The following NR3C2 variants were observed in gnomAD, a reference collection of about 807,000 sequenced individuals.
NR3C2 encodes mineralocorticoid receptor.
Under a neutral mutation model 86.4 loss-of-function variants are expected in NR3C2, and 15 were observed. The ratio of observed to expected loss-of-function variants is 0.17; its 90% CI spans 0.12 to 0.27. The LOEUF is 0.27. Among genes scored for constraint, NR3C2 ranks in the 10% least tolerant of loss-of-function variants. The probability of loss-of-function intolerance (pLI) is 1.00; values close to 1 mark genes in which losing one functional copy is unlikely to be tolerated. For missense variants in NR3C2, 960 were observed against 1,195.6 expected (o/e 0.80, Z 2.91); for synonymous variants, 458 against 450.5 (o/e 1.02, Z -0.21).
intron 8 of NR3C2, among the ~76,000 whole-genome samples, chr4:148,107,932 G>T (rs1048854166): frequency 1.3e-5 from 2 of 152,094 alleles, no homozygotes; most frequent in Non-Finnish European, 2.9e-5. Flanking sequence ...GTTGATAGGT[G>T]CAGCAAACCA....
rs764424527 is a variant in NR3C2 at position 148,436,636 on chromosome 4, C to T, written c.225G>A (p.Gln75=). 1.9e-6 allele frequency: 3 copies of T among 1,614,204 alleles called. No individual in the cohort carries two copies. The highest frequency in any genetic ancestry group is 2.5e-6 in the Non-Finnish European group (3 of 1,180,040). The stretch of plus-strand genomic sequence containing the variant: ...AAATCCCAGGCCGATTATTGTCTTG[C>T]TGAAGGCAAGGGAGTAGTTCTTGTT... ...KEKQELLPCL[Q]QDNNRPGILT... The change falls in exon 2 of 9, where the codon CAG becomes CAA. Residue 75 remains glutamine (Q), a synonymous_variant. Coordinates refer to ENST00000358102, the MANE Select transcript of NR3C2 (RefSeq NM_000901.5).
chr4:148,137,626 C>A (rs1036196066), intron 6 of NR3C2, among the ~76,000 whole-genome samples: 1 of 152,102 alleles, frequency 6.6e-6, no homozygotes, highest in Non-Finnish European at 1.5e-5. Context: ...CAAAGCCAGG[C>A]GGAATTAGAG....
At position 148,125,637 on chromosome 4, in the gene NR3C2, A is replaced by G. The variant is rs374631438; in HGVS notation, c.2511-5349T>C. The stretch of plus-strand genomic sequence containing the variant: ...GTGTTTAGAAAAATTTAAAAAGCTC[A>G]GTTTAGTTCCATCATTTTGATTGGT... On this transcript the variant is annotated intron_variant, in intron 6 of 8. Coordinates refer to ENST00000358102, the MANE Select transcript of NR3C2 (RefSeq NM_000901.5). Among the ~76,000 whole-genome samples, 13 of 152,336 alleles carry G rather than the reference A, an allele frequency of 8.5e-5. No individual in the cohort carries two copies. The South Asian group carries it at 1.7e-3, about 19-fold the overall frequency.
chr4:148,271,275 C>A (rs191715294), intron 2 of NR3C2, among the ~76,000 whole-genome samples: 1 of 152,248 alleles, frequency 6.6e-6, no homozygotes, highest in Admixed American at 6.5e-5. Flanking sequence ...AGGGAAAATG[C>A]TCCTTTAAAA....
chr4:148,230,168 G>C (rs955902765), intron 3 of NR3C2, among the ~76,000 whole-genome samples: 1 of 152,146 alleles, frequency 6.6e-6, no homozygotes, highest in Non-Finnish European at 1.5e-5. Flanking sequence ...GGAGAACAGA[G>C]AGATAAAAAG....
intron 6 of NR3C2, among the ~76,000 whole-genome samples, chr4:148,131,211 A>G (rs1027986007): frequency 8.5e-5 from 13 of 152,296 alleles, no homozygotes; most frequent in Admixed American, 3.3e-4. Context: ...GTCAGAATGT[A>G]GGCAGCAATA....
chr4:148,423,952 A>C (rs1027737657), intron 2 of NR3C2, among the ~76,000 whole-genome samples: 3 of 152,162 alleles, frequency 2.0e-5, no homozygotes, highest in African/African-American at 4.8e-5. Context: ...ACCTCAGAAA[A>C]TCTGCCCACC....
chr4:148,292,808 G>A (rs1741859031), intron 2 of NR3C2, among the ~76,000 whole-genome samples: 1 of 152,094 alleles, frequency 6.6e-6, no homozygotes, highest in Admixed American at 6.6e-5. Context: ...AATAGAACCA[G>A]TCATCATTCT....
At position 148,395,474 on chromosome 4, in the gene NR3C2, C is replaced by A. The variant is rs527807556; in HGVS notation, c.1757+39630G>T. Reference sequence around the variant, plus strand: ...GTTACAACTGTACCACAAGGGTTATCCTAACCTGAACAGATGCACTTCTCA... The same window carrying A: ...GTTACAACTGTACCACAAGGGTTATACTAACCTGAACAGATGCACTTCTCA... On this transcript the variant is annotated intron_variant, in intron 2 of 8. Transcript: ENST00000358102. Among the ~76,000 whole-genome samples, 4 of 152,250 alleles carry A rather than the reference C, an allele frequency of 2.6e-5. No homozygotes were observed. In the East Asian group the frequency reaches 7.7e-4, roughly 29 times the overall value.
chr4:148,113,669 A>G (rs1732143021), intron 8 of NR3C2, among the ~76,000 whole-genome samples: 1 of 152,204 alleles, frequency 6.6e-6, no homozygotes, highest in South Asian at 2.1e-4. Flanking sequence ...TAAGAAGAAT[A>G]TGTGTTCGGA....
intron 1 of NR3C2, among the ~76,000 whole-genome samples, chr4:148,439,586 C>A (rs1198785008): frequency 6.6e-6 from 1 of 152,202 alleles, no homozygotes; most frequent in Non-Finnish European, 1.5e-5. Flanking sequence ...CCACCCAGAC[C>A]CCTCTCCAAA....
At chr4:148,148,774 C>A (rs1384372133) in intron 6 of NR3C2, among the ~76,000 whole-genome samples, 2 of 152,164 alleles carry the variant, frequency 1.3e-5, no homozygotes, top group African/African-American at 4.8e-5. Flanking sequence ...ATACTTATCA[C>A]AATTATATTT....
chr4:148,199,307 C>T (rs1042022741), intron 3 of NR3C2, among the ~76,000 whole-genome samples: 8 of 151,926 alleles, frequency 5.3e-5, no homozygotes, highest in Non-Finnish European at 8.8e-5. Context: ...AGGATATGAG[C>T]GTGTTGAACT....
At chr4:148,211,481 A>G (rs1737279759) in intron 3 of NR3C2, among the ~76,000 whole-genome samples, 1 of 152,364 alleles carries the variant, frequency 6.6e-6, no homozygotes, top group Admixed American at 6.5e-5. Flanking sequence ...TAAGGAGGCT[A>G]CTTATGTATT....
intron 4 of NR3C2, among the ~76,000 whole-genome samples, chr4:148,187,499 C>T (rs1735983526): frequency 6.6e-6 from 1 of 152,044 alleles, no homozygotes; most frequent in Admixed American, 6.5e-5. Context: ...ATTTGTATAT[C>T]TTCTTTCGAG....
rs1491061938 is a variant in NR3C2, at chr4:148,097,749, TTG to T, written c.2800-16252_2800-16251del. 1.0e-3 allele frequency among the ~76,000 whole-genome samples: 114 copies of T among 113,688 alleles called. 15 individuals are homozygous for T. Among genetic ancestry groups the T allele is most frequent in the African/African-American group, 4.9e-3 (87 of 17,586 alleles). 74.6% of individuals were successfully genotyped at this position (113,688 alleles called of 152,430 possible). On this transcript the variant is annotated intron_variant, in intron 8 of 8. Coordinates refer to ENST00000358102, the MANE Select transcript of NR3C2 (RefSeq NM_000901.5). ...TGATGAGACTTTTTTGCGTTTTTTTTTGTTTTTTTTTTTTTTTTTAAGCTCAT... is the reference window on the plus strand; with the variant it reads ...TGATGAGACTTTTTTGCGTTTTTTTTTTTTTTTTTTTTTTTTTAAGCTCAT...
chr4:148,214,174 A>G (rs1306606729), intron 3 of NR3C2, among the ~76,000 whole-genome samples: 1 of 152,218 alleles, frequency 6.6e-6, no homozygotes, highest in Non-Finnish European at 1.5e-5. Flanking sequence ...TAGTCTACCT[A>G]GCTAGATTAT....
chr4:148,250,068 C>T (rs1431090364), intron 3 of NR3C2, among the ~76,000 whole-genome samples: 2 of 152,110 alleles, frequency 1.3e-5, no homozygotes, highest in African/African-American at 2.4e-5. Flanking sequence ...AGAACAGTGC[C>T]GAGTGTCTAA....
At chr4:148,370,651 T>C (rs1579216882) in intron 2 of NR3C2, among the ~76,000 whole-genome samples, 1 of 152,068 alleles carries the variant, frequency 6.6e-6, no homozygotes, top group East Asian at 1.9e-4. Context: ...GAAATTAAAA[T>C]GGATGAATGG....
Sources: allele counts gnomAD v4.1 joint callset (sites outside exome capture counted in the v4.1 genomes callset), GRCh38; gene constraint gnomAD v4.1.1; transcripts MANE v1.5; gene names NCBI Gene and HGNC (gene_info 2026-07-23, HGNC 2026-07-21).